The following GRIK3 variants were observed in gnomAD, a reference collection of about 807,000 sequenced individuals.
GRIK3 encodes the protein glutamate ionotropic receptor kainate type subunit 3.
GRIK3 carries 29 observed loss-of-function variants against 102.5 expected under a neutral mutation model. The ratio of observed to expected loss-of-function variants is 0.28; its 90% confidence interval spans 0.21 to 0.39. The LOEUF (loss-of-function observed/expected upper bound fraction) is 0.39, where lower values mean the gene tolerates loss of function less well. GRIK3 is among the 10% of genes least tolerant of loss of function. The pLI is 1.00. For synonymous variants in GRIK3, 511 were observed against 504.9 expected (o/e 1.01, Z -0.16); for missense variants, 908 against 1,252.4 (o/e 0.73, Z 4.15).
intron 1 of GRIK3, among the ~76,000 whole-genome samples, chr1:36,949,876 G>A (rs1291947000): frequency 1.3e-5 from 2 of 152,078 alleles, no homozygotes; most frequent in African/African-American, 2.4e-5. Context: ...ACCACGCCTG[G>A]CCCTAATTCT....
intron 1 of GRIK3, among the ~76,000 whole-genome samples, chr1:36,937,532 A>G (rs1008397738): frequency 2.6e-5 from 4 of 152,162 alleles, no homozygotes; most frequent in African/African-American, 9.7e-5. Flanking sequence ...TGAAACAGAA[A>G]TTTCGGTGGA....
At chr1:36,925,406 C>T (rs534126553) in intron 1 of GRIK3, among the ~76,000 whole-genome samples, 39 of 152,354 alleles carry the variant, frequency 2.6e-4, no homozygotes, top group African/African-American at 7.0e-4. Flanking sequence ...TTCGTGCCCT[C>T]GGAGCCTTTC....
At chr1:36,868,036 TG>T (rs1640804498) in intron 5 of GRIK3, among the ~76,000 whole-genome samples, 1 of 152,162 alleles carries the variant, frequency 6.6e-6, no homozygotes, top group Admixed American at 6.5e-5. Flanking sequence ...CATTGGCCAC[TG>T]GGGTCAAGAT....
intron 1 of GRIK3, among the ~76,000 whole-genome samples, chr1:36,952,019 A>G (rs1272989361): frequency 6.6e-6 from 1 of 152,196 alleles, no homozygotes; most frequent in Non-Finnish European, 1.5e-5. Context: ...ACCTCAGCCC[A>G]CAGACTGTCA....
intron 9 of GRIK3, among the ~76,000 whole-genome samples, chr1:36,846,953 A>G (rs961475667): frequency 3.9e-5 from 6 of 152,352 alleles, no homozygotes; most frequent in Admixed American, 1.3e-4. Flanking sequence ...GGGATACTCC[A>G]GAGGTCATTC....
chr1:37,003,826 G>A lies in GRIK3; in HGVS notation c.115+30168C>T, dbSNP rs932926562. ...GCTCCATAACCTGCCACCCTGCTGG[G>A]CTGAAGGGGCCATCTCCCACCTCCT... On this transcript the variant is annotated intron_variant, in intron 1 of 15. Coordinates refer to ENST00000373091, the MANE Select transcript of GRIK3 (RefSeq NM_000831.4). Among the ~76,000 whole-genome samples the A allele has an allele frequency of 2.6e-5, 4 of 152,110 alleles. No individual in the cohort carries two copies. In the East Asian group the frequency reaches 7.7e-4, roughly 29 times the overall value.
intron 5 of GRIK3, among the ~76,000 whole-genome samples, chr1:36,868,522 C>T (rs993615579): frequency 3.9e-5 from 6 of 152,192 alleles, no homozygotes; most frequent in Non-Finnish European, 8.8e-5. Context: ...AACCAGCTCT[C>T]TGGGGGAGGC....
chr1:36,929,320 A>G (rs1641563006), intron 1 of GRIK3, among the ~76,000 whole-genome samples: 1 of 152,170 alleles, frequency 6.6e-6, no homozygotes, highest in South Asian at 2.1e-4. Flanking sequence ...ATCTGTGAAC[A>G]TTGTAGAATA....
At chr1:36,898,567 A>C (rs553333433) in intron 1 of GRIK3, among the ~76,000 whole-genome samples, 2 of 152,336 alleles carry the variant, frequency 1.3e-5, no homozygotes, top group Non-Finnish European at 2.9e-5. Context: ...TCCCATGTTC[A>C]TGGACTGGAA....
intron 1 of GRIK3, among the ~76,000 whole-genome samples, chr1:36,933,027 A>T (rs565192116): frequency 6.6e-6 from 1 of 152,336 alleles, no homozygotes; most frequent in Non-Finnish European, 1.5e-5. Context: ...AATATGTAGA[A>T]CCACGTTTAC....
chr1:36,821,636 G>A (rs759962071), intron 11 of GRIK3, among the ~76,000 whole-genome samples: 6 of 152,232 alleles, frequency 3.9e-5, no homozygotes, highest in African/African-American at 7.2e-5. Flanking sequence ...ATGGACCCAT[G>A]CAGAAGACAG....
intron 13 of GRIK3, among the ~76,000 whole-genome samples, chr1:36,809,035 C>G (rs1298739806): frequency 1.3e-5 from 2 of 152,170 alleles, no homozygotes; most frequent in African/African-American, 4.8e-5. Context: ...CCATCCTTGT[C>G]TCTTCTGCTT....
At chr1:36,891,135 G>C in intron 1 of GRIK3, 39 bp from the exon 2 acceptor site, 3 of 1,509,618 alleles carry the variant, frequency 2.0e-6, no homozygotes, top group Non-Finnish European at 2.7e-6. Context: ...GTTGGGAGGA[G>C]GGATGGGGCT....
At chr1:36,883,065 T>C (rs1641000488) in intron 2 of GRIK3, among the ~76,000 whole-genome samples, 1 of 152,084 alleles carries the variant, frequency 6.6e-6, no homozygotes. Flanking sequence ...CTGGATTCAG[T>C]GTATTGAGGC....
intron 1 of GRIK3, among the ~76,000 whole-genome samples, chr1:36,965,171 G>T (rs777891632): frequency 1.3e-5 from 2 of 152,090 alleles, no homozygotes; most frequent in Non-Finnish European, 2.9e-5. Flanking sequence ...CTATTTCCTC[G>T]CCTGTCAAAT....
chr1:36,916,876 A>G (rs1394779524), intron 1 of GRIK3, among the ~76,000 whole-genome samples: 1 of 152,148 alleles, frequency 6.6e-6, no homozygotes, highest in African/African-American at 2.4e-5. Context: ...CAGAGTCTCT[A>G]TTGGGGCACC....
intron 1 of GRIK3, among the ~76,000 whole-genome samples, chr1:36,943,608 AT>A (rs1641750675): frequency 6.6e-6 from 1 of 152,262 alleles, no homozygotes; most frequent in Non-Finnish European, 1.5e-5. Flanking sequence ...AGATAATTAT[AT>A]GTTAAGATCC....
chr1:36,881,038 T>C, intron 2 of GRIK3, 147 bp from the exon 3 acceptor site: 1 of 811,444 alleles, frequency 1.2e-6, no homozygotes, highest in Non-Finnish European at 1.9e-6. Flanking sequence ...TGAACCTCAG[T>C]TTCCTCATCT....
intron 9 of GRIK3, among the ~76,000 whole-genome samples, chr1:36,848,988 G>A (rs927409030): frequency 6.6e-6 from 1 of 152,106 alleles, no homozygotes; most frequent in African/African-American, 2.4e-5. Context: ...GGCTCTGTGG[G>A]CAGCTTGTCT....
Sources: allele counts gnomAD v4.1 joint callset (sites outside exome capture counted in the v4.1 genomes callset), GRCh38; gene constraint gnomAD v4.1.1; transcripts MANE v1.5; gene names NCBI Gene and HGNC (gene_info 2026-07-23, HGNC 2026-07-21).